Variants in CNOT1 observed in about 807,000 individuals in gnomAD.
CNOT1 encodes the protein CCR4-associated factor 1.
In CNOT1, 15 loss-of-function variants were observed where a neutral mutation model predicts 273.8. The observed-to-expected ratio is 0.05, with a 90% CI of 0.04 to 0.08. The LOEUF is 0.08. CNOT1 is among the 10% of genes least tolerant of loss of function. The pLI is 1.00. For synonymous variants in CNOT1, 1,022 were observed against 1,005.5 expected, an observed-to-expected ratio of 1.02 and a Z score of -0.31; for missense variants, 1,644 against 2,912.2, an observed-to-expected ratio of 0.56 and a Z score of 10.02.
At chr16:58,607,485 C>T (rs918864173) in intron 1 of CNOT1, among the ~76,000 whole-genome samples, 1 of 151,778 alleles carries the variant, frequency 6.6e-6, no homozygotes, top group African/African-American at 2.4e-5. Context: ...CCCAGCACTT[C>T]GGGAGGCCAA....
chr16:58,538,630 T>C, intron 36 of CNOT1, 142 bp downstream of exon 36: 1 of 1,272,926 alleles, frequency 7.9e-7, no homozygotes. Context: ...TACTTAACAA[T>C]TCTCACCTCT....
intron 16 of CNOT1, among the ~76,000 whole-genome samples, chr16:58,566,990 A>G (rs186629944): frequency 1.3e-5 from 2 of 152,200 alleles, no homozygotes; most frequent in Admixed American, 6.5e-5. Context: ...TAATTATAAC[A>G]GCCAAAAAGA....
At position 58,537,067 on chromosome 16, in the gene CNOT1, C is replaced by T. The variant is rs1329870169; in HGVS notation, c.5568G>A (p.Leu1856=). 2 of 1,614,176 alleles carry T rather than the reference C, an allele frequency of 1.2e-6. No homozygotes were observed. Among genetic ancestry groups the T allele is most frequent in the Non-Finnish European group, 1.7e-6 (2 of 1,180,026 alleles). ...AATGGTAGAGATTCACCCATTCCCT[C>T]AGAAGATACTCTGCCTTCTCCCTCA... is the stretch of plus-strand genomic sequence containing the variant. The part of the protein sequence containing the change: ...PGLREKAEYL[L]REWVNLYHSA... The change falls in exon 39 of 49, where the codon CTG becomes CTA. Residue 1856 remains leucine (L), a synonymous_variant. Transcript: ENST00000317147.
At chr16:58,575,623 A>G (rs1006887469) in intron 14 of CNOT1, among the ~76,000 whole-genome samples, 1 of 152,100 alleles carries the variant, frequency 6.6e-6, no homozygotes, top group Non-Finnish European at 1.5e-5. Context: ...ACATGGTGAA[A>G]CCCTGTCTCT....
At position 58,614,390 on chromosome 16, in the gene CNOT1, C is replaced by T. The variant is rs142640142; in HGVS notation, c.-174-14879G>A. 8.8e-5 allele frequency among the ~76,000 whole-genome samples: 11 copies of T among 125,114 alleles called. 2 individuals are homozygous for T. Among genetic ancestry groups the T allele is most frequent in the East Asian group, 3.9e-4 (2 of 5,116 alleles). The allele number at this position is 125,114 out of a possible 152,430, so 82.1% of individuals were successfully genotyped here. ...ACCAAATGTGGTTTATGATGAACAC[C>T]GGCTTTCTATCTAGATGAATACCAG... On this transcript the variant is annotated intron_variant, in intron 1 of 48. Coordinates refer to ENST00000317147, the MANE Select transcript of CNOT1 (RefSeq NM_016284.5).
chr16:58,568,978 C>CA (rs1245992172), intron 16 of CNOT1, among the ~76,000 whole-genome samples: 32 of 152,032 alleles, frequency 2.1e-4, no homozygotes, highest in African/African-American at 7.2e-4. Context: ...CTGTTTTCAA[C>CA]AAAAAAATTA....
intron 1 of CNOT1, among the ~76,000 whole-genome samples, chr16:58,621,271 ATTCT>A (rs879357009): frequency 9.2e-5 from 14 of 151,502 alleles, no homozygotes; most frequent in African/African-American, 3.2e-4. Context: ...CCAGCTAACT[ATTCT>A]TTCTTTTTCT....
intron 16 of CNOT1, among the ~76,000 whole-genome samples, chr16:58,574,208 T>G (rs187520547): frequency 6.6e-6 from 1 of 152,052 alleles, no homozygotes; most frequent in Non-Finnish European, 1.5e-5. Context: ...TACAGGAGTT[T>G]GAGGTTGCAG....
intron 47 of CNOT1, 21 bp from the exon 48 acceptor site, chr16:58,521,338 CTAGT>C: frequency 6.3e-7 from 1 of 1,590,796 alleles, no homozygotes; most frequent in South Asian, 1.2e-5. Flanking sequence ...GGAGAAAGAG[CTAGT>C]TAATGTATAG....
chr16:58,536,595 T>C (rs1305537010), intron 39 of CNOT1, among the ~76,000 whole-genome samples: 2 of 150,136 alleles, frequency 1.3e-5, no homozygotes, highest in Non-Finnish European at 2.9e-5. Flanking sequence ...TAAAACACTC[T>C]ACCATTTAAA....
At chr16:58,624,958 A>G (rs905729919) in intron 1 of CNOT1, among the ~76,000 whole-genome samples, 1 of 151,870 alleles carries the variant, frequency 6.6e-6, no homozygotes, top group Admixed American at 6.6e-5. Flanking sequence ...AAAAAAAAAA[A>G]GTATCATAGG....
intron 18 of CNOT1, 113 bp from the exon 19 acceptor site, chr16:58,557,106 T>G (rs2040656747): frequency 2.2e-6 from 3 of 1,339,132 alleles, no homozygotes; most frequent in Non-Finnish European, 2.9e-6. Flanking sequence ...TAGTAACTCT[T>G]ACTTTAAAAG....
At chr16:58,527,982 G>A (rs985965718) in intron 44 of CNOT1, 18 of 333,266 alleles carry the variant, frequency 5.4e-5, no homozygotes, top group South Asian at 3.9e-4. Flanking sequence ...GTGTGGTGGC[G>A]AGTGCCTGTA....
intron 1 of CNOT1, among the ~76,000 whole-genome samples, chr16:58,619,184 G>C (rs2043210098): frequency 1.3e-5 from 2 of 152,106 alleles, no homozygotes; most frequent in Non-Finnish European, 2.9e-5. Flanking sequence ...CTGGGCAACA[G>C]AGACCCTGTC....
chr16:58,588,937 A>C (rs2041961638), intron 2 of CNOT1, 31 bp from the exon 3 acceptor site: 1 of 1,553,544 alleles, frequency 6.4e-7, no homozygotes, highest in African/African-American at 1.4e-5. Flanking sequence ...ATGTTTAATA[A>C]GGGAAGATAA....
At chr16:58,541,421 C>G (rs2040093235) in intron 34 of CNOT1, 80 bp downstream of exon 34, 35 of 1,552,788 alleles carry the variant, frequency 2.3e-5, no homozygotes, top group Non-Finnish European at 2.8e-5. Flanking sequence ...TCCCAGGAAG[C>G]AAGTCAAAAA....
chr16:58,621,910 CAAAAAAAAAAAA>C (rs58087048), intron 1 of CNOT1, among the ~76,000 whole-genome samples: 1 of 85,350 alleles, frequency 1.2e-5, no homozygotes, highest in Non-Finnish European at 2.2e-5. Flanking sequence ...GACTCCGTCT[CAAAAAAAAAAAA>C]AAAAAAAAAA....
intron 23 of CNOT1, 93 bp from the exon 24 acceptor site, chr16:58,551,365 T>C: frequency 2.2e-6 from 3 of 1,344,646 alleles, no homozygotes; most frequent in Non-Finnish European, 3.0e-6. Flanking sequence ...TGTTAAAAAA[T>C]ACACATGGTA....
At chr16:58,563,102 T>C (rs1422150203) in intron 16 of CNOT1, among the ~76,000 whole-genome samples, 1 of 148,252 alleles carries the variant, frequency 6.7e-6, no homozygotes, top group Non-Finnish European at 1.5e-5. Context: ...AATAAACGCG[T>C]TGTTTTATGT....
Sources: gnomAD v4.1 joint callset for allele counts (sites outside exome capture counted in the v4.1 genomes callset) on GRCh38, gnomAD v4.1.1 for gene constraint, MANE v1.5 for transcripts, NCBI Gene and HGNC (gene_info 2026-07-23, HGNC 2026-07-21) for gene names.